Variants in SHISA6 observed in about 807,000 individuals in gnomAD.
SHISA6 encodes the protein shisa family member 6.
In SHISA6, 22 loss-of-function variants were observed where a neutral mutation model predicts 47.9. The observed-to-expected ratio is 0.46, with a 90% confidence interval of 0.33 to 0.66. The LOEUF is 0.66. Ranked by LOEUF, SHISA6 falls within the 30% of genes least tolerant of loss-of-function variation. The pLI is 0.02. For missense variants in SHISA6, 680 were observed against 764.6 expected (o/e 0.89, Z 1.30); for synonymous variants, 388 against 337.8 (o/e 1.15, Z -1.63).
At chr17:11,489,133 G>T (rs1457296566) in intron 3 of SHISA6, among the ~76,000 whole-genome samples, 2 of 151,918 alleles carry the variant, frequency 1.3e-5, no homozygotes, top group Non-Finnish European at 2.9e-5. Context: ...TTTAACTCTG[G>T]GTTACAGAGC....
At chr17:11,354,024 G>A (rs541184436) in intron 2 of SHISA6, among the ~76,000 whole-genome samples, 1 of 152,232 alleles carries the variant, frequency 6.6e-6, no homozygotes, top group African/African-American at 2.4e-5. Context: ...GGGAAGGGGA[G>A]GCTGTTCTTG....
At chr17:11,399,650 C>T (rs1021421984) in intron 3 of SHISA6, among the ~76,000 whole-genome samples, 3 of 152,088 alleles carry the variant, frequency 2.0e-5, no homozygotes, top group African/African-American at 7.2e-5. Flanking sequence ...TCGAGCTCCT[C>T]ACCTCAGGTG....
chr17:11,530,042 G>C (rs2071719238), intron 3 of SHISA6, among the ~76,000 whole-genome samples: 1 of 152,092 alleles, frequency 6.6e-6, no homozygotes, highest in African/African-American at 2.4e-5. Flanking sequence ...GTGCTGCTCA[G>C]GGTGAGGGGA....
intron 2 of SHISA6, among the ~76,000 whole-genome samples, chr17:11,306,970 T>C (rs1263052282): frequency 6.6e-6 from 1 of 152,184 alleles, no homozygotes; most frequent in Non-Finnish European, 1.5e-5. Flanking sequence ...GAAAGAAGGC[T>C]TTGAAGAAAG....
intron 2 of SHISA6, among the ~76,000 whole-genome samples, chr17:11,279,266 A>G (rs1909039184): frequency 6.6e-6 from 1 of 152,134 alleles, no homozygotes; most frequent in Non-Finnish European, 1.5e-5. Context: ...GAGCAAAGAC[A>G]CTGCTTAACC....
chr17:11,416,379 T>G (rs205020), intron 3 of SHISA6, among the ~76,000 whole-genome samples: 138,719 of 152,240 alleles, frequency 0.91, 63,243 homozygotes, highest in Admixed American at 0.93. Flanking sequence ...AGTATTATTT[T>G]CATTGTTGGC....
At chr17:11,468,369 A>C (rs1441317996) in intron 3 of SHISA6, among the ~76,000 whole-genome samples, 1 of 151,888 alleles carries the variant, frequency 6.6e-6, no homozygotes, top group Non-Finnish European at 1.5e-5. Context: ...CAGATTTTGT[A>C]AGCAAGCAGG....
At chr17:11,244,461 G>C (rs900351948) in intron 1 of SHISA6, among the ~76,000 whole-genome samples, 1 of 152,142 alleles carries the variant, frequency 6.6e-6, no homozygotes, top group Non-Finnish European at 1.5e-5. Flanking sequence ...TCAGCTTCTT[G>C]CTTCCGGGGC....
chr17:11,253,617 AG>A (rs1325187444), intron 1 of SHISA6, among the ~76,000 whole-genome samples: 2 of 152,142 alleles, frequency 1.3e-5, no homozygotes, highest in Non-Finnish European at 2.9e-5. Flanking sequence ...TTTCGTTGAT[AG>A]GGATTAGCCT....
intron 3 of SHISA6, among the ~76,000 whole-genome samples, chr17:11,410,284 A>T (rs1914079516): frequency 6.6e-6 from 1 of 152,236 alleles, no homozygotes; most frequent in Non-Finnish European, 1.5e-5. Flanking sequence ...TGAGTTATCC[A>T]GTTCACTGAA....
intron 3 of SHISA6, among the ~76,000 whole-genome samples, chr17:11,529,700 TA>T (rs1197081627): frequency 6.6e-6 from 1 of 152,086 alleles, no homozygotes; most frequent in Non-Finnish European, 1.5e-5. Flanking sequence ...TATTTGAAAG[TA>T]AGAGATTTGT....
intron 3 of SHISA6, among the ~76,000 whole-genome samples, chr17:11,487,105 A>C (rs894415414): frequency 1.3e-5 from 2 of 152,194 alleles, no homozygotes; most frequent in African/African-American, 4.8e-5. Context: ...TTTACAGAAA[A>C]ACATTTACTA....
At chr17:11,402,012 G>A (rs78089477) in intron 3 of SHISA6, among the ~76,000 whole-genome samples, 3,130 of 152,280 alleles carry the variant, frequency 0.021, 111 homozygotes, top group African/African-American at 0.06. Flanking sequence ...AGGGAGGCAC[G>A]CAGCAGGCAC....
At chr17:11,493,040 G>A (rs554802740) in intron 3 of SHISA6, among the ~76,000 whole-genome samples, 62 of 152,196 alleles carry the variant, frequency 4.1e-4, no homozygotes, top group African/African-American at 1.1e-3. Flanking sequence ...TTCCCTGATC[G>A]CCTCAACACT....
At chr17:11,316,110 G>A (rs1440613826) in intron 2 of SHISA6, among the ~76,000 whole-genome samples, 2 of 151,472 alleles carry the variant, frequency 1.3e-5, no homozygotes, top group African/African-American at 4.9e-5. Flanking sequence ...ATTTTGTCTA[G>A]TTTATCTAAT....
chr17:11,515,765 A>T (rs2071580661), intron 3 of SHISA6, among the ~76,000 whole-genome samples: 2 of 152,172 alleles, frequency 1.3e-5, no homozygotes, highest in African/African-American at 4.8e-5. Context: ...AACTCTTCCC[A>T]GGAGCGCAAG....
intron 3 of SHISA6, among the ~76,000 whole-genome samples, chr17:11,456,562 T>C (rs1029439041): frequency 7.9e-5 from 12 of 152,222 alleles, no homozygotes; most frequent in African/African-American, 2.7e-4. Context: ...ATAGTTGGTT[T>C]TCACACATTT....
At chr17:11,321,964 C>G (rs1910731050) in intron 2 of SHISA6, among the ~76,000 whole-genome samples, 2 of 152,024 alleles carry the variant, frequency 1.3e-5, no homozygotes, top group South Asian at 4.2e-4. Context: ...CCCAGGAAAG[C>G]CAAAAGATTG....
intron 3 of SHISA6, among the ~76,000 whole-genome samples, chr17:11,417,644 A>C (rs1227932852): frequency 1.3e-5 from 2 of 152,228 alleles, no homozygotes; most frequent in African/African-American, 4.8e-5. Flanking sequence ...GCTTTACAAC[A>C]TACAAAACAA....
Sources: allele counts gnomAD v4.1 joint callset (sites outside exome capture counted in the v4.1 genomes callset), GRCh38; gene constraint gnomAD v4.1.1; transcripts MANE v1.5; gene names NCBI Gene and HGNC (gene_info 2026-07-23, HGNC 2026-07-21).